RANBP2: variants seen among roughly 807,000 people sequenced by gnomAD.
The protein encoded by RANBP2 is RAN binding protein 2.
RANBP2 carries 57 observed loss-of-function variants against 303.6 expected under a neutral mutation model. That is an observed-to-expected ratio of 0.19 (90% CI 0.15 to 0.23). The LOEUF (loss-of-function observed/expected upper bound fraction) is 0.23. Ranked by LOEUF, RANBP2 falls within the 10% of genes least tolerant of loss-of-function variation. The probability of loss-of-function intolerance (pLI) is 1.00; values close to 1 mark genes in which losing one functional copy is unlikely to be tolerated. For missense variants in RANBP2, 3,138 were observed against 3,780.8 expected, an observed-to-expected ratio of 0.83 and a Z score of 4.46; for synonymous variants, 1,167 against 1,301.5, an observed-to-expected ratio of 0.90 and a Z score of 2.23.
chr2:109,444,551 G>A, the RANBP2 span, among the ~76,000 whole-genome samples: 1 of 152,316 alleles, frequency 6.6e-6, no homozygotes, highest in Non-Finnish European at 1.5e-5. Context: ...TCCACCTGGG[G>A]TGTGAGAGAA....
chr2:109,575,135 G>C, the RANBP2 span, among the ~76,000 whole-genome samples: 2 of 152,174 alleles, frequency 1.3e-5, no homozygotes, highest in Non-Finnish European at 2.9e-5. Context: ...AAATGGTATT[G>C]AATTTACACT....
the RANBP2 span, among the ~76,000 whole-genome samples, chr2:109,094,184 A>G: frequency 6.6e-6 from 1 of 152,126 alleles, no homozygotes; most frequent in Non-Finnish European, 1.5e-5. Flanking sequence ...CCCAGCCCCC[A>G]ATGAGAGATG....
the RANBP2 span, among the ~76,000 whole-genome samples, chr2:109,701,681 C>T: frequency 6.6e-6 from 1 of 152,138 alleles, no homozygotes; most frequent in South Asian, 2.1e-4. Flanking sequence ...TCTTTGTCCA[C>T]AAGGAATTTC....
chr2:109,648,630 A>G, the RANBP2 span, among the ~76,000 whole-genome samples: 1 of 148,402 alleles, frequency 6.7e-6, no homozygotes, highest in South Asian at 2.1e-4. Context: ...GGTGTGAACC[A>G]CTATGCCCAG....
At chr2:109,635,612 A>G in the RANBP2 span, among the ~76,000 whole-genome samples, 10 of 152,236 alleles carry the variant, frequency 6.6e-5, no homozygotes, top group African/African-American at 2.2e-4. Context: ...ACATCCAAAA[A>G]GGGAGCTGAG....
the RANBP2 span, among the ~76,000 whole-genome samples, chr2:109,640,245 A>C: frequency 6.6e-6 from 1 of 151,546 alleles, no homozygotes; most frequent in Non-Finnish European, 1.5e-5. Flanking sequence ...TGAGGTCAGG[A>C]GTTTGAGACC....
At chr2:109,179,173 C>T in the RANBP2 span, among the ~76,000 whole-genome samples, 41 of 152,200 alleles carry the variant, frequency 2.7e-4, no homozygotes, top group African/African-American at 3.6e-4. Flanking sequence ...CAGAGAAATA[C>T]GTATCTTGCA....
At chr2:109,266,093 C>A in the RANBP2 span, among the ~76,000 whole-genome samples, 4 of 147,946 alleles carry the variant, frequency 2.7e-5, no homozygotes, top group African/African-American at 1.0e-4. Context: ...GTGTGTTGTG[C>A]GTGCATGTGT....
chr2:108,843,672 C>A, the RANBP2 span, among the ~76,000 whole-genome samples: 24 of 152,024 alleles, frequency 1.6e-4, no homozygotes, highest in African/African-American at 5.5e-4. Flanking sequence ...TGTAAGGTGT[C>A]ATTTCTCTCA....
At chr2:109,163,108 C>T in the RANBP2 span, among the ~76,000 whole-genome samples, 2 of 152,316 alleles carry the variant, frequency 1.3e-5, no homozygotes, top group African/African-American at 4.8e-5. Context: ...TTGACCTTGG[C>T]AGCTTTTCCA....
the RANBP2 span, chr2:109,129,597 G>C: frequency 6.7e-7 from 1 of 1,482,584 alleles, no homozygotes; most frequent in Non-Finnish European, 8.9e-7. Flanking sequence ...CTGCTGCGCA[G>C]AGCGAGGGCG....
chr2:109,545,965 AG>A, the RANBP2 span: 2 of 1,488,546 alleles, frequency 1.3e-6, no homozygotes, highest in Non-Finnish European at 1.8e-6. Flanking sequence ...ATAAGGAAGC[AG>A]AAGTAAGAAG....
At chr2:108,883,755 C>T in the RANBP2 span, 3 of 152,250 alleles carry the variant, frequency 2.0e-5, no homozygotes, top group Non-Finnish European at 4.4e-5. Context: ...TCCCCCAGGG[C>T]ACAGTGCTTT....
At chr2:108,937,279 T>G in the RANBP2 span, among the ~76,000 whole-genome samples, 3 of 152,238 alleles carry the variant, frequency 2.0e-5, no homozygotes, top group Non-Finnish European at 4.4e-5. Flanking sequence ...CAAACTGACC[T>G]TTGGCAGCCC....
At chr2:108,903,391 T>G in the RANBP2 span, among the ~76,000 whole-genome samples, 1 of 152,058 alleles carries the variant, frequency 6.6e-6, no homozygotes, top group Admixed American at 6.5e-5. Flanking sequence ...AAGATTATTA[T>G]AAAACTTATA....
At chr2:108,908,052 G>A in the RANBP2 span, 1 of 1,580,300 alleles carries the variant, frequency 6.3e-7, no homozygotes, top group Non-Finnish European at 8.6e-7. Context: ...CATTAGCAGT[G>A]CCTGGGGGGG....
At chr2:109,646,662 T>C in the RANBP2 span, among the ~76,000 whole-genome samples, 1 of 147,396 alleles carries the variant, frequency 6.8e-6, no homozygotes, top group African/African-American at 2.5e-5. Flanking sequence ...TGGCTATTTT[T>C]TTTTTTTTTT....
chr2:109,297,002 T>G, the RANBP2 span, among the ~76,000 whole-genome samples: 1 of 152,118 alleles, frequency 6.6e-6, no homozygotes, highest in Non-Finnish European at 1.5e-5. Flanking sequence ...TCCTGTAGCA[T>G]TCTCTTACTG....
chr2:109,614,299 G>C, the RANBP2 span: 1 of 598,632 alleles, frequency 1.7e-6, no homozygotes, highest in Non-Finnish European at 2.4e-6. Flanking sequence ...GCGCGGGGCG[G>C]GGGTGCGGGG....
Sources: gnomAD v4.1 joint callset for allele counts (sites outside exome capture counted in the v4.1 genomes callset) on GRCh38, gnomAD v4.1.1 for gene constraint, MANE v1.5 for transcripts, NCBI Gene and HGNC (gene_info 2026-07-23, HGNC 2026-07-21) for gene names.